LPCAT1: variants seen among roughly 807,000 people sequenced by gnomAD.
LPCAT1 encodes the protein lysophosphatidylcholine acyltransferase 1.
LPCAT1 carries 23 observed loss-of-function variants against 60.9 expected under a neutral mutation model. That is an observed-to-expected ratio of 0.38 (90% confidence interval 0.27 to 0.53). LPCAT1 has a LOEUF of 0.53. Among genes scored for constraint, LPCAT1 ranks in the 20% least tolerant of loss-of-function variants. LPCAT1 has a pLI of 0.82. For synonymous variants in LPCAT1, 340 were observed against 301.1 expected (o/e 1.13, Z -1.34); for missense variants, 622 against 723.6 (o/e 0.86, Z 1.61).
At chr5:1,472,275 G>A (rs886753320) in intron 11 of LPCAT1, among the ~76,000 whole-genome samples, 2 of 152,142 alleles carry the variant, frequency 1.3e-5, no homozygotes, top group African/African-American at 4.8e-5. Flanking sequence ...GGGGCAGAGG[G>A]AGGACTTTGA....
Position 1,476,264 on chromosome 5 carries a change from G to C in LPCAT1, c.899+1140C>G, listed in dbSNP as rs1282129566. The stretch of plus-strand genomic sequence containing the variant: ...TTGGAGGTGGGAATGCATTCCCCTG[G>C]CTCGGCGCCTACTCAGCTTTTTGTA... On this transcript the variant is annotated intron_variant, in intron 9 of 13. Transcript: ENST00000283415. The surrounding 1 kb of genome is among the most constrained non-coding windows in gnomAD (Gnocchi z 8.6). Among the ~76,000 whole-genome samples the C allele has an allele frequency of 6.6e-6, 1 of 152,172 alleles. No individual in the cohort carries two copies. Among genetic ancestry groups the C allele is most frequent in the Non-Finnish European group, 1.5e-5 (1 of 68,032 alleles).
chr5:1,519,246 T>A (rs925180851), intron 1 of LPCAT1, among the ~76,000 whole-genome samples: 1 of 152,264 alleles, frequency 6.6e-6, no homozygotes, highest in Non-Finnish European at 1.5e-5. Flanking sequence ...TCTGTGTGTA[T>A]GTGGGTATGC....
At chr5:1,482,734 G>GGGTGT in intron 6 of LPCAT1, among the ~76,000 whole-genome samples, 1 of 147,432 alleles carries the variant, frequency 6.8e-6, no homozygotes. Context: ...GGGTGGGGTG[G>GGGTGT]GGTGTGGTGT....
rs562035545 is a variant in LPCAT1 at position 1,519,228 on chromosome 5, C to G, written c.135+4482G>C. 4.6e-4 allele frequency among the ~76,000 whole-genome samples: 70 copies of G among 152,310 alleles called. 1 individual carries two copies. The South Asian group carries it at 0.014, about 30-fold the overall frequency. On this transcript the variant is annotated intron_variant, in intron 1 of 13. Coordinates refer to ENST00000283415, the MANE Select transcript of LPCAT1 (RefSeq NM_024830.5). ...GTCAGCTGTAAAACAAAACTATGTG[C>G]GTGAGCTTCTGTGTGTATGTGGGTA... is the stretch of plus-strand genomic sequence containing the variant.
chr5:1,520,860 C>CAAAAAAAAAAA (rs59074953), intron 1 of LPCAT1, among the ~76,000 whole-genome samples: 7 of 82,034 alleles, frequency 8.5e-5, no homozygotes, highest in African/African-American at 2.0e-4. Context: ...GAGACTGTCT[C>CAAAAAAAAAAA]AAAAAAAAAA....
intron 12 of LPCAT1, among the ~76,000 whole-genome samples, chr5:1,469,285 G>C (rs769444999): frequency 1.3e-5 from 2 of 152,160 alleles, no homozygotes; most frequent in Non-Finnish European, 2.9e-5. Flanking sequence ...CAGGGACCCG[G>C]TGCACACTGT....
chr5:1,500,444 G>A lies in LPCAT1; in HGVS notation c.278+1017C>T, dbSNP rs915016382. Reference sequence around the variant, plus strand: ...CTTTAGTTTAGATGTATTCCTCATCGGGTAGGTGTGCTTTATTTATATTCC... The same window carrying A: ...CTTTAGTTTAGATGTATTCCTCATCAGGTAGGTGTGCTTTATTTATATTCC... On this transcript the variant is annotated intron_variant, in intron 2 of 13. Coordinates refer to ENST00000283415, the MANE Select transcript of LPCAT1 (RefSeq NM_024830.5). Among the ~76,000 whole-genome samples, 24 of 152,220 alleles carry A rather than the reference G, an allele frequency of 1.6e-4. No individual in the cohort carries two copies. In the East Asian group the frequency reaches 2.1e-3, roughly 13 times the overall value.
intron 1 of LPCAT1, among the ~76,000 whole-genome samples, chr5:1,511,017 C>T (rs1012963287): frequency 1.3e-5 from 2 of 152,330 alleles, no homozygotes; most frequent in Admixed American, 1.3e-4. Context: ...GGGAGCACAC[C>T]TTCCTCCTGC....
In LPCAT1 at chr5:1,502,130, C is replaced by G. The variant is rs1335598843; in HGVS notation, c.136-527G>C. On this transcript the variant is annotated intron_variant, in intron 1 of 13. Coordinates refer to ENST00000283415, the MANE Select transcript of LPCAT1 (RefSeq NM_024830.5). This position sits in a 1 kb window ranked among gnomAD's most constrained non-coding sequence, Gnocchi z 5.5. ...CCACTGCCCGCTTCCTGCCTCCTTA[C>G]TGGAGCTGCCATGCGAGTGGCTTGG... is the stretch of plus-strand genomic sequence containing the variant. Among the ~76,000 whole-genome samples the G allele has an allele frequency of 2.0e-5, 3 of 152,244 alleles. No homozygotes were observed. The highest frequency in any genetic ancestry group is 4.4e-5 in the Non-Finnish European group (3 of 68,042).
intron 1 of LPCAT1, among the ~76,000 whole-genome samples, chr5:1,507,593 C>T (rs73033826): frequency 0.011 from 1,686 of 152,314 alleles, 31 homozygotes; most frequent in African/African-American, 0.037. Context: ...GACAGCACGG[C>T]GCAGCCCACA....
chr5:1,477,619 C>A lies in LPCAT1; in HGVS notation c.817-133G>T. On this transcript the variant is annotated intron_variant, in intron 8 of 13. Transcript: ENST00000283415. The surrounding 1 kb of genome is among the most constrained non-coding windows in gnomAD (Gnocchi z 6.0). ...CCATTAGAACCGTCTTCAAAGTTGT[C>A]ATGTGCACGTGTGTGTACGCACACA... 3 of 649,056 alleles carry A rather than the reference C, an allele frequency of 4.6e-6. No individual in the cohort carries two copies. 40.2% of individuals were successfully genotyped at this position (649,056 alleles called of 1,614,324 possible).
intron 13 of LPCAT1, 31 bp from the exon 14 acceptor site, chr5:1,463,866 A>G: frequency 6.2e-7 from 1 of 1,607,846 alleles, no homozygotes; most frequent in Non-Finnish European, 8.5e-7. Context: ...GTGGTTATGG[A>G]ATGGGGACGA....
In LPCAT1 at chr5:1,483,564, TG is replaced by T. The variant is rs1489231325; in HGVS notation, c.668-79del. On this transcript the variant is annotated intron_variant, in intron 5 of 13. Coordinates refer to ENST00000283415, the MANE Select transcript of LPCAT1 (RefSeq NM_024830.5). This position sits in a 1 kb window ranked among gnomAD's most constrained non-coding sequence, Gnocchi z 9.2. ...TCTGCTGCGTTTCTCATGCTGCCCT[TG>T]GGATAAAAGTGAGCTTTTCTGTCTA... 1.3e-6 allele frequency: 2 copies of T among 1,488,900 alleles called. No individual in the cohort carries two copies. Among genetic ancestry groups the T allele is most frequent in the Non-Finnish European group, 9.3e-7 (1 of 1,075,410 alleles). 92.2% of individuals were successfully genotyped at this position (1,488,900 alleles called of 1,614,324 possible). A position where few individuals can be genotyped will look rare whatever the true frequency, so the allele number is the denominator to read the frequency against.
intron 2 of LPCAT1, among the ~76,000 whole-genome samples, chr5:1,498,943 C>CACA (rs1735909044): frequency 7.0e-6 from 1 of 142,398 alleles, no homozygotes; most frequent in Non-Finnish European, 1.6e-5. Context: ...ACATACACAC[C>CACA]CTCTCTGCAC....
intron 2 of LPCAT1, among the ~76,000 whole-genome samples, chr5:1,500,044 C>T (rs1206249318): frequency 6.6e-6 from 1 of 152,226 alleles, no homozygotes; most frequent in Non-Finnish European, 1.5e-5. Flanking sequence ...ACCACTTGGC[C>T]CGGTTCCCCA....
At chr5:1,474,152 G>A (rs1410669715) in intron 10 of LPCAT1, 42 bp from the exon 11 acceptor site, 1 of 1,588,778 alleles carries the variant, frequency 6.3e-7, no homozygotes, top group Non-Finnish European at 8.6e-7. Flanking sequence ...TCAATAAAAT[G>A]GTGGCATGCT....
At chr5:1,504,019 T>C (rs1736107334) in intron 1 of LPCAT1, among the ~76,000 whole-genome samples, 1 of 152,274 alleles carries the variant, frequency 6.6e-6, no homozygotes. Context: ...ATTCTCTCTG[T>C]TGTGACCTAA....
intron 13 of LPCAT1, among the ~76,000 whole-genome samples, chr5:1,465,331 A>C (rs1734326519): frequency 7.5e-6 from 1 of 134,094 alleles, no homozygotes; most frequent in Non-Finnish European, 1.6e-5. Context: ...AAGCGCAGGC[A>C]CACAGTAACT....
chr5:1,473,986 G>GC lies in LPCAT1; in HGVS notation c.1149dup (p.Leu384AlafsTer57). On this transcript the variant is annotated frameshift_variant, in exon 11 of 14. Transcript: ENST00000283415. LOFTEE classifies it high-confidence loss of function. ...TCGAACAGTGAAAACATGTCTTCCA[G>GC]CAAGTCAGAAACGGGGACTTCCAGG... 6.2e-7 allele frequency: 1 copy of GC among 1,614,202 alleles called. No homozygotes were observed. Among genetic ancestry groups the GC allele is most frequent in the Non-Finnish European group, 8.5e-7 (1 of 1,180,040 alleles).
Sources: gnomAD v4.1 joint callset for allele counts (sites outside exome capture counted in the v4.1 genomes callset) on GRCh38, gnomAD v4.1.1 for gene constraint, Gnocchi (gnomAD v3.1) non-coding constraint, MANE v1.5 for transcripts, NCBI Gene and HGNC (gene_info 2026-07-23, HGNC 2026-07-21) for gene names.